The following CAP2 variants were observed in gnomAD, a reference collection of about 807,000 sequenced individuals.
The protein encoded by CAP2 is adenylyl cyclase-associated protein 2.
CAP2 carries 24 observed loss-of-function variants against 57.7 expected under a neutral mutation model. The observed-to-expected ratio is 0.42, with a 90% confidence interval of 0.30 to 0.58. CAP2 has a LOEUF of 0.58. CAP2 is among the 20% of genes least tolerant of loss of function. CAP2 has a pLI of 0.22. For missense variants in CAP2, 501 were observed against 590.3 expected (o/e 0.85, Z 1.57); for synonymous variants, 194 against 207.2 (o/e 0.94, Z 0.55).
intron 3 of CAP2, among the ~76,000 whole-genome samples, chr6:17,457,351 C>T (rs1448438994): frequency 6.6e-6 from 1 of 152,170 alleles, no homozygotes; most frequent in Non-Finnish European, 1.5e-5. Context: ...TTTTGAACTG[C>T]CTGAGTGAGC....
intron 4 of CAP2, among the ~76,000 whole-genome samples, chr6:17,476,290 A>G (rs560640251): frequency 2.0e-5 from 3 of 152,254 alleles, no homozygotes; most frequent in Non-Finnish European, 4.4e-5. Flanking sequence ...AAAAAAGTCT[A>G]TATCATAACT....
intron 7 of CAP2, among the ~76,000 whole-genome samples, chr6:17,537,662 A>C (rs1382982377): frequency 3.9e-5 from 6 of 152,180 alleles, no homozygotes; most frequent in Non-Finnish European, 8.8e-5. Flanking sequence ...GATATTGAAA[A>C]TTGATGAGTC....
At chr6:17,399,763 A>G (rs1477944038) in intron 1 of CAP2, among the ~76,000 whole-genome samples, 3 of 152,208 alleles carry the variant, frequency 2.0e-5, no homozygotes, top group East Asian at 1.9e-4. Context: ...CCATTCTGCA[A>G]TATAGAAGTC....
At chr6:17,471,101 G>A (rs148336686) in intron 4 of CAP2, among the ~76,000 whole-genome samples, 2 of 152,300 alleles carry the variant, frequency 1.3e-5, no homozygotes, top group East Asian at 3.9e-4. Context: ...ACTGATCTCA[G>A]AGCATACCTT....
intron 3 of CAP2, among the ~76,000 whole-genome samples, chr6:17,431,617 G>GTTAATGAGT (rs1759739272): frequency 6.6e-6 from 1 of 152,166 alleles, no homozygotes; most frequent in Non-Finnish European, 1.5e-5. Context: ...ATGCTGTTCA[G>GTTAATGAGT]TTAATGAGTT....
intron 4 of CAP2, among the ~76,000 whole-genome samples, chr6:17,499,549 G>C (rs945154129): frequency 3.3e-5 from 5 of 151,458 alleles, no homozygotes; most frequent in Non-Finnish European, 7.4e-5. Flanking sequence ...ATGATTTTTA[G>C]ATAATATAAG....
chr6:17,478,766 T>C (rs920068452), intron 4 of CAP2, among the ~76,000 whole-genome samples: 12 of 152,182 alleles, frequency 7.9e-5, no homozygotes, highest in African/African-American at 2.9e-4. Flanking sequence ...TTTAATCTCC[T>C]GTCCTCTGTC....
chr6:17,488,549 T>C (rs1239427895), intron 4 of CAP2, among the ~76,000 whole-genome samples: 3 of 152,146 alleles, frequency 2.0e-5, no homozygotes, highest in African/African-American at 7.2e-5. Flanking sequence ...GAATTTCACA[T>C]CTTGGTTTTA....
At chr6:17,463,514 A>G (rs529893209) in intron 4 of CAP2, among the ~76,000 whole-genome samples, 104 of 152,300 alleles carry the variant, frequency 6.8e-4, no homozygotes, top group African/African-American at 2.3e-3. Context: ...GACTGTTCAC[A>G]TCTATGATCA....
At chr6:17,445,662 T>A (rs1481414327) in intron 3 of CAP2, among the ~76,000 whole-genome samples, 1 of 152,192 alleles carries the variant, frequency 6.6e-6, no homozygotes, top group East Asian at 1.9e-4. Flanking sequence ...ATTGTAAACA[T>A]CTGGATGGAA....
intron 7 of CAP2, among the ~76,000 whole-genome samples, chr6:17,530,197 C>G (rs1762609433): frequency 6.6e-6 from 1 of 152,124 alleles, no homozygotes; most frequent in African/African-American, 2.4e-5. Context: ...CTCAGCCTCC[C>G]AGCTCCCAGG....
Position 17,536,738 on chromosome 6 carries a change from A to G in CAP2, c.637-2531A>G, listed in dbSNP as rs535658653. Among the ~76,000 whole-genome samples, 19 of 152,232 alleles carry G rather than the reference A, an allele frequency of 1.2e-4. No homozygotes were observed. The South Asian group carries it at 3.9e-3, about 32-fold the overall frequency. ...GGACTATAAAGCTGCAGTGTTTCAG[A>G]TGTTGGGGGAAGGGGCTGTCCCTTC... On this transcript the variant is annotated intron_variant, in intron 7 of 12. Coordinates refer to ENST00000229922, the MANE Select transcript of CAP2 (RefSeq NM_006366.3).
At chr6:17,494,533 C>T (rs753810342) in intron 4 of CAP2, among the ~76,000 whole-genome samples, 2 of 152,156 alleles carry the variant, frequency 1.3e-5, no homozygotes, top group Non-Finnish European at 2.9e-5. Context: ...CCTGTGCTGG[C>T]CATCCTATTT....
chr6:17,546,259 ACTGTGGTTTTGATTTGCATTTCT>A (rs1271509812), intron 11 of CAP2, among the ~76,000 whole-genome samples: 1 of 152,170 alleles, frequency 6.6e-6, no homozygotes, highest in Non-Finnish European at 1.5e-5. Context: ...ATTGTATCTC[ACTGTGGTTTTGATTTGCATTTCT>A]CTGATGGCCA....
chr6:17,454,716 A>G (rs1760509371), intron 3 of CAP2, among the ~76,000 whole-genome samples: 1 of 152,202 alleles, frequency 6.6e-6, no homozygotes, highest in Non-Finnish European at 1.5e-5. Context: ...GATATGTTTC[A>G]AAAGAACATT....
In CAP2 at chr6:17,543,086, G is replaced by A. The variant is rs758781435; in HGVS notation, c.1152G>A (p.Val384=). 1.2e-6 allele frequency: 2 copies of A among 1,614,048 alleles called. No homozygotes were observed. Among genetic ancestry groups the A allele is most frequent in the African/African-American group, 2.7e-5 (2 of 74,924 alleles). The change falls in exon 11 of 13, where the codon GTG becomes GTA. Residue 384 remains valine (V), a synonymous_variant. Coordinates refer to ENST00000229922, the MANE Select transcript of CAP2 (RefSeq NM_006366.3). Reference sequence around the variant, plus strand: ...ACAACTGTAAAAAACTCGGCCTGGTGTTTGACAATGTGGTGGGCATTGTGG... The same window carrying A: ...ACAACTGTAAAAAACTCGGCCTGGTATTTGACAATGTGGTGGGCATTGTGG... ...IIDNCKKLGL[V]FDNVVGIVEV...
chr6:17,445,943 G>A (rs929800531), intron 3 of CAP2, among the ~76,000 whole-genome samples: 39 of 152,186 alleles, frequency 2.6e-4, no homozygotes, highest in South Asian at 8.3e-4. Context: ...GAAATTATGC[G>A]TTACACTTTG....
At chr6:17,508,556 G>A (rs1762049278) in intron 6 of CAP2, among the ~76,000 whole-genome samples, 3 of 152,140 alleles carry the variant, frequency 2.0e-5, no homozygotes, top group Non-Finnish European at 2.9e-5. Context: ...GCAAATATAA[G>A]AGCAACAAGG....
At chr6:17,484,153 A>AT (rs978146628) in intron 4 of CAP2, among the ~76,000 whole-genome samples, 2 of 152,040 alleles carry the variant, frequency 1.3e-5, no homozygotes, top group Non-Finnish European at 2.9e-5. Context: ...GATGGACTCT[A>AT]TTTTTTTGGC....
Sources: gnomAD v4.1 joint callset for allele counts (sites outside exome capture counted in the v4.1 genomes callset) on GRCh38, gnomAD v4.1.1 for gene constraint, MANE v1.5 for transcripts, NCBI Gene and HGNC (gene_info 2026-07-23, HGNC 2026-07-21) for gene names.